XPNPEP2: variants seen among roughly 807,000 people sequenced by gnomAD.
XPNPEP2 encodes the protein X-prolyl aminopeptidase 2, also known as xaa-Pro aminopeptidase 2.
XPNPEP2 carries 64 observed loss-of-function variants against 59.8 expected under a neutral mutation model. The ratio of observed to expected loss-of-function variants is 1.07; its 90% CI spans 0.87 to 1.32. The LOEUF (loss-of-function observed/expected upper bound fraction) is 1.32, where lower values mean the gene tolerates loss of function less well. XPNPEP2 is among the 40% of genes most tolerant of loss of function. XPNPEP2 has a pLI of 0.00. For synonymous variants in XPNPEP2, 235 were observed against 210.0 expected (o/e 1.12, Z -1.03); for missense variants, 575 against 546.8 (o/e 1.05, Z -0.51).
chrX:129,751,112 C>T (rs533623765), intron 8 of XPNPEP2, among the ~76,000 whole-genome samples: 15 of 87,682 alleles, frequency 1.7e-4, no homozygotes, highest in African/African-American at 4.8e-4. Flanking sequence ...CCACCCCCCC[C>T]CCCCGGCAAA....
chrX:129,762,592 A>T, intron 18 of XPNPEP2, 102 bp from the exon 19 acceptor site: 1 of 726,270 alleles, frequency 1.4e-6, no homozygotes, highest in Non-Finnish European at 2.1e-6. Flanking sequence ...GCCAGGGGAC[A>T]GCCAGACAGC....
chrX:129,764,899 G>A (rs958419822), intron 19 of XPNPEP2, among the ~76,000 whole-genome samples: 1 of 111,163 alleles, frequency 9.0e-6, no homozygotes, highest in Non-Finnish European at 1.9e-5. Flanking sequence ...GGGAGGTGGA[G>A]GTTGCGGTGA....
intron 10 of XPNPEP2, among the ~76,000 whole-genome samples, chrX:129,752,676 G>A (rs1051917188): frequency 8.9e-6 from 1 of 112,395 alleles, no homozygotes; most frequent in African/African-American, 3.2e-5. Context: ...AGCCAATCTG[G>A]GTCTTTTTCT....
At chrX:129,749,773 G>T (rs988131237) in intron 7 of XPNPEP2, among the ~76,000 whole-genome samples, 3 of 112,956 alleles carry the variant, frequency 2.7e-5, no homozygotes, top group African/African-American at 9.7e-5. Flanking sequence ...AAGACAGTAC[G>T]GTGTCTGTAC....
chrX:129,752,970 G>A (rs1780750389), intron 10 of XPNPEP2, among the ~76,000 whole-genome samples, 189 bp from the exon 11 acceptor site: 2 of 112,305 alleles, frequency 1.8e-5, no homozygotes, highest in South Asian at 3.7e-4. Context: ...TCAGCTGGAC[G>A]TGGAAAACTA....
intron 19 of XPNPEP2, among the ~76,000 whole-genome samples, chrX:129,763,963 G>C (rs187437080): frequency 1.3e-3 from 141 of 110,237 alleles, no homozygotes; most frequent in African/African-American, 4.5e-3. Context: ...AATTCCAGAT[G>C]GACCAAAGTT....
In XPNPEP2 at chrX:129,742,210, C is replaced by G. The variant is rs779868385; in HGVS notation, c.123+29C>G. 3.1e-3 allele frequency: 2,409 copies of G among 773,917 alleles called. 27 individuals are homozygous for G. The South Asian group carries it at 0.055, about 18-fold the overall frequency. The allele number at this position is 773,917 out of a possible 1,213,427, so 63.8% of individuals were successfully genotyped here. On this transcript the variant is annotated intron_variant, in intron 2 of 20. Transcript: ENST00000371106. The stretch of plus-strand genomic sequence containing the variant: ...AGTGCCCCCTGCCCCCCGCGCACGG[C>G]CCCCCTGGCCCCACGCACCCCCCCA...
At chrX:129,765,436 T>C (rs762743853) in intron 19 of XPNPEP2, among the ~76,000 whole-genome samples, 2 of 111,043 alleles carry the variant, frequency 1.8e-5, no homozygotes, top group African/African-American at 6.5e-5. Flanking sequence ...TAATAGGTAA[T>C]TTGATAGATA....
At chrX:129,750,164 C>G (rs1421018378) in intron 7 of XPNPEP2, among the ~76,000 whole-genome samples, 1 of 112,377 alleles carries the variant, frequency 8.9e-6, no homozygotes, top group Non-Finnish European at 1.9e-5. Flanking sequence ...TCATAGCAGC[C>G]CTATTGAGGC....
chrX:129,763,281 C>G (rs11795826), intron 19 of XPNPEP2, among the ~76,000 whole-genome samples: 23,741 of 111,686 alleles, frequency 0.21, 1,846 homozygotes, highest in East Asian at 0.29. Context: ...ACCTCAATTC[C>G]AGTGCTAACT....
At chrX:129,751,016 A>G (rs1926381294) in intron 8 of XPNPEP2, among the ~76,000 whole-genome samples, 1 of 109,851 alleles carries the variant, frequency 9.1e-6, no homozygotes, top group Admixed American at 9.7e-5. Context: ...ACCCACTGGA[A>G]CTGTGTGCTG....
intron 8 of XPNPEP2, among the ~76,000 whole-genome samples, 155 bp downstream of exon 8, chrX:129,750,724 G>A (rs1372575195): frequency 8.9e-6 from 1 of 112,424 alleles, no homozygotes; most frequent in Non-Finnish European, 1.9e-5. Context: ...GAACCAAGAA[G>A]GGTAAGGGGG....
chrX:129,746,294 T>C lies in XPNPEP2; in HGVS notation c.357T>C (p.Thr119=). ...TCTGGACCGACAGTCGCTACTGGAC[T>C]CAGGCTGAGCGGCAGATGGACTGCA... ...AAVWTDSRYW[T]QAERQMDCNW... is the part of the protein sequence containing the mutation. Residue 119 remains threonine, a synonymous_variant, in exon 5 of 21, where the codon ACT becomes ACC. Coordinates refer to ENST00000371106, the MANE Select transcript of XPNPEP2 (RefSeq NM_003399.6). 8.3e-7 allele frequency: 1 copy of C among 1,211,407 alleles called. No individual in the cohort carries two copies. Among genetic ancestry groups the C allele is most frequent in the South Asian group, 1.8e-5 (1 of 56,972 alleles).
chrX:129,748,267 A>T (rs893973877), intron 7 of XPNPEP2, among the ~76,000 whole-genome samples: 1 of 112,428 alleles, frequency 8.9e-6, no homozygotes, highest in African/African-American at 3.2e-5. Flanking sequence ...CACAGATTAC[A>T]GTTCAGGTTT....
chrX:129,739,016 C>G lies in XPNPEP2; in HGVS notation c.-198C>G. On this transcript the variant is annotated 5_prime_UTR_variant, in exon 1 of 21. Coordinates refer to ENST00000371106, the MANE Select transcript of XPNPEP2 (RefSeq NM_003399.6). ...GGGCAGCCCAAAGCTCCTCTGCCCA[C>G]CCTGGCTCCCAGAGCCCTCCAAAAC... 2.2e-6 allele frequency: 1 copy of G among 455,519 alleles called. No homozygotes were observed. The highest frequency in any genetic ancestry group is 3.8e-6 in the Non-Finnish European group (1 of 263,279). The allele number at this position is 455,519 out of a possible 1,213,427, so 37.5% of individuals were successfully genotyped here. A position where few individuals can be genotyped will look rare whatever the true frequency, so the allele number is the denominator to read the frequency against.
At position 129,747,741 on chromosome X, in the gene XPNPEP2, G is replaced by A. The variant is rs1299731267; in HGVS notation, c.625G>A (p.Glu209Lys). ...AAATCAACCCATTTATGCCCTGCAGGAGGCATTCACAGGTGATTCAGTAAG... is the reference window on the plus strand; with the variant it reads ...AAATCAACCCATTTATGCCCTGCAGAAGGCATTCACAGGTGATTCAGTAAG... ...VPNQPIYALQ[E>K]AFTGSTWQEK... Residue 209 changes from glutamate (E) to lysine (K), a missense_variant, in exon 7 of 21, where the codon GAG (glutamate) becomes AAG (lysine). By Grantham distance (56) the Glu-to-Lys change is moderately conservative (BLOSUM62 1). Coordinates refer to ENST00000371106, the MANE Select transcript of XPNPEP2 (RefSeq NM_003399.6). 3 of 1,212,059 alleles carry A rather than the reference G, an allele frequency of 2.5e-6. No individual in the cohort carries two copies. The highest frequency in any genetic ancestry group is 2.3e-4 in the Middle Eastern group (1 of 4,350).
chrX:129,760,597 C>G lies in XPNPEP2; in HGVS notation c.1498+16C>G. 1 of 1,206,055 alleles carries G rather than the reference C, an allele frequency of 8.3e-7. No individual in the cohort carries two copies. Among genetic ancestry groups the G allele is most frequent in the Non-Finnish European group, 1.1e-6 (1 of 890,616 alleles). On this transcript the variant is annotated intron_variant, in intron 16 of 20. Coordinates refer to ENST00000371106, the MANE Select transcript of XPNPEP2 (RefSeq NM_003399.6). ...GCTACATCAGGTGGGTTTCAGAAACCAGTCTGGACACAGCCTCAGGCCCTG... is the reference window on the plus strand; with the variant it reads ...GCTACATCAGGTGGGTTTCAGAAACGAGTCTGGACACAGCCTCAGGCCCTG...
intron 19 of XPNPEP2, among the ~76,000 whole-genome samples, chrX:129,765,723 C>T (rs760030109): frequency 4.3e-4 from 46 of 105,803 alleles, no homozygotes; most frequent in Admixed American, 1.0e-3. Context: ...CTGCAACCTC[C>T]GCCTCCCAGG....
intron 2 of XPNPEP2, among the ~76,000 whole-genome samples, chrX:129,743,102 G>T (rs1926228498): frequency 8.9e-6 from 1 of 112,001 alleles, no homozygotes; most frequent in South Asian, 3.7e-4. Flanking sequence ...TAAGCCATGG[G>T]AAAAACGCAG....
Sources: gnomAD v4.1 joint callset for allele counts (sites outside exome capture counted in the v4.1 genomes callset) on GRCh38, gnomAD v4.1.1 for gene constraint, MANE v1.5 for transcripts, NCBI Gene and HGNC (gene_info 2026-07-23, HGNC 2026-07-21) for gene names.